Variants in KCTD16 observed in about 807,000 individuals in gnomAD.
The protein encoded by KCTD16 is BTB/POZ domain-containing protein KCTD16.
KCTD16 carries 13 observed loss-of-function variants against 33.2 expected under a neutral mutation model. That is an observed-to-expected ratio of 0.39 (90% CI 0.25 to 0.62). The LOEUF (loss-of-function observed/expected upper bound fraction) is 0.62, where lower values mean the gene tolerates loss of function less well. Among genes scored for constraint, KCTD16 ranks in the 20% least tolerant of loss-of-function variants. The pLI is 0.50. For missense variants in KCTD16, 441 were observed against 525.1 expected (o/e 0.84, Z 1.57); for synonymous variants, 197 against 195.3 (o/e 1.01, Z -0.07).
chr5:144,442,588 C>A (rs1753737920), intron 3 of KCTD16, among the ~76,000 whole-genome samples: 1 of 150,776 alleles, frequency 6.6e-6, no homozygotes, highest in Non-Finnish European at 1.5e-5. Context: ...TCCCTCCCTT[C>A]TTTTGTTCCT....
intron 3 of KCTD16, among the ~76,000 whole-genome samples, chr5:144,304,944 C>G (rs1450902079): frequency 6.8e-6 from 1 of 147,502 alleles, no homozygotes; most frequent in Non-Finnish European, 1.5e-5. Flanking sequence ...GTACTGGAAA[C>G]AGAAACCTCG....
At chr5:144,290,579 T>C (rs1302026674) in intron 3 of KCTD16, among the ~76,000 whole-genome samples, 1 of 152,234 alleles carries the variant, frequency 6.6e-6, no homozygotes, top group Admixed American at 6.5e-5. Context: ...ACTTAATTTT[T>C]AAAGATCCCT....
intron 3 of KCTD16, among the ~76,000 whole-genome samples, chr5:144,432,857 C>A (rs1358739233): frequency 6.6e-6 from 1 of 152,072 alleles, no homozygotes; most frequent in Non-Finnish European, 1.5e-5. Context: ...TATGCATACA[C>A]ACACACAACA....
chr5:144,281,334 A>G (rs930848696), intron 3 of KCTD16, among the ~76,000 whole-genome samples: 2 of 152,204 alleles, frequency 1.3e-5, no homozygotes, highest in Non-Finnish European at 2.9e-5. Flanking sequence ...CATTAAATGT[A>G]TACATCTTCT....
intron 3 of KCTD16, among the ~76,000 whole-genome samples, chr5:144,365,709 C>A (rs17382264): frequency 6.6e-6 from 1 of 152,152 alleles, no homozygotes; most frequent in Non-Finnish European, 1.5e-5. Context: ...TTCAAATGAA[C>A]GTGCCAAGTT....
rs35569056 is a variant in KCTD16 at position 144,466,239 on chromosome 5, GTT to G, written c.833-7406_833-7405del. Among the ~76,000 whole-genome samples, 444 of 135,054 alleles carry G rather than the reference GTT, an allele frequency of 3.3e-3. 2 individuals are homozygous for G. The highest frequency in any genetic ancestry group is 0.011 in the African/African-American group (387 of 36,604). The allele number at this position is 135,054 out of a possible 152,430, so 88.6% of individuals were successfully genotyped here. A position where few individuals can be genotyped will look rare whatever the true frequency, so the allele number is the denominator to read the frequency against. Reference sequence around the variant, plus strand: ...ATTATATCTTAGTTCACTAGCTAGGGTTTTTTTTTTTTTTTTCATGAGCTAAT... The same window carrying G: ...ATTATATCTTAGTTCACTAGCTAGGGTTTTTTTTTTTTTTCATGAGCTAAT... On this transcript the variant is annotated intron_variant, in intron 3 of 3. Coordinates refer to ENST00000512467, the MANE Select transcript of KCTD16 (RefSeq NM_020768.4).
At chr5:144,373,929 G>A (rs1343565033) in intron 3 of KCTD16, among the ~76,000 whole-genome samples, 2 of 152,140 alleles carry the variant, frequency 1.3e-5, no homozygotes, top group Non-Finnish European at 2.9e-5. Context: ...ATGTATTATC[G>A]TACAGTTCTG....
intron 3 of KCTD16, among the ~76,000 whole-genome samples, chr5:144,440,935 T>G (rs934504074): frequency 7.7e-6 from 1 of 130,674 alleles, no homozygotes; most frequent in Non-Finnish European, 1.6e-5. Flanking sequence ...TTCCCCTTCC[T>G]GTGTCCATGT....
intron 3 of KCTD16, among the ~76,000 whole-genome samples, chr5:144,364,709 A>T (rs900888894): frequency 5.3e-5 from 8 of 152,228 alleles, no homozygotes; most frequent in Non-Finnish European, 1.2e-4. Flanking sequence ...AGTAGTAACC[A>T]ATAATGTGAA....
chr5:144,314,862 A>G (rs1056118394), intron 3 of KCTD16, among the ~76,000 whole-genome samples: 4 of 152,106 alleles, frequency 2.6e-5, no homozygotes, highest in Non-Finnish European at 4.4e-5. Context: ...TAATAAAAAG[A>G]CCTAAATCAC....
chr5:144,335,288 A>C lies in KCTD16; in HGVS notation c.832+127742A>C, dbSNP rs139342228. Among the ~76,000 whole-genome samples, 24 of 152,368 alleles carry C rather than the reference A, an allele frequency of 1.6e-4. No individual in the cohort carries two copies. In the East Asian group the frequency reaches 4.2e-3, roughly 27 times the overall value. On this transcript the variant is annotated intron_variant, in intron 3 of 3. Transcript: ENST00000512467. ...GCATACTGCTAAAAGTGAGGGTATA[A>C]GAAGAAGACAGAGAAAGACTCTTTA...
At chr5:144,290,601 A>G (rs1238297554) in intron 3 of KCTD16, among the ~76,000 whole-genome samples, 5 of 152,218 alleles carry the variant, frequency 3.3e-5, no homozygotes, top group Admixed American at 1.3e-4. Flanking sequence ...GCTCTTCTAT[A>G]TCAATAAGAT....
chr5:144,281,404 T>C (rs546426133), intron 3 of KCTD16, among the ~76,000 whole-genome samples: 16 of 152,348 alleles, frequency 1.1e-4, no homozygotes, highest in African/African-American at 3.6e-4. Context: ...TCATTTTCAT[T>C]CAATTCAGAA....
At chr5:144,186,375 A>AC (rs1227700102) in intron 2 of KCTD16, among the ~76,000 whole-genome samples, 2 of 151,568 alleles carry the variant, frequency 1.3e-5, no homozygotes, top group African/African-American at 2.4e-5. Flanking sequence ...AAAAAAAAAA[A>AC]AACTAATGGC....
At chr5:144,214,784 A>G (rs1003722030) in intron 3 of KCTD16, among the ~76,000 whole-genome samples, 6 of 152,204 alleles carry the variant, frequency 3.9e-5, no homozygotes, top group African/African-American at 1.2e-4. Context: ...CTATTTTTCT[A>G]TATCACAGCA....
Position 144,344,336 on chromosome 5 carries a change from A to C in KCTD16, c.833-129324A>C, listed in dbSNP as rs944480187. 6.1e-5 allele frequency among the ~76,000 whole-genome samples: 9 copies of C among 147,470 alleles called. No homozygotes were observed. The South Asian group carries it at 1.3e-3, about 21-fold the overall frequency. Reference sequence around the variant, plus strand: ...TGTCTAAAACACCAAAAGCAATGGCAACAAAAGCCAAAATTGACAAATGGG... The same window carrying C: ...TGTCTAAAACACCAAAAGCAATGGCCACAAAAGCCAAAATTGACAAATGGG... On this transcript the variant is annotated intron_variant, in intron 3 of 3. Transcript: ENST00000512467.
At chr5:144,282,556 G>T (rs1317951522) in intron 3 of KCTD16, among the ~76,000 whole-genome samples, 2 of 152,180 alleles carry the variant, frequency 1.3e-5, no homozygotes, top group African/African-American at 4.8e-5. Context: ...CCTACTATTT[G>T]CATTTGACAT....
intron 3 of KCTD16, among the ~76,000 whole-genome samples, chr5:144,359,504 G>A (rs1751654839): frequency 6.6e-6 from 1 of 151,988 alleles, no homozygotes. Flanking sequence ...AGTTTGCTGT[G>A]TGTGTTATCA....
At chr5:144,213,212 T>C (rs1162500335) in intron 3 of KCTD16, among the ~76,000 whole-genome samples, 1 of 152,058 alleles carries the variant, frequency 6.6e-6, no homozygotes, top group Non-Finnish European at 1.5e-5. Context: ...TTATATTATA[T>C]TTGTTTGCTA....
Sources: gnomAD v4.1 joint callset for allele counts (sites outside exome capture counted in the v4.1 genomes callset) on GRCh38, gnomAD v4.1.1 for gene constraint, MANE v1.5 for transcripts, NCBI Gene and HGNC (gene_info 2026-07-23, HGNC 2026-07-21) for gene names.